Variants in NVL observed in about 807,000 individuals in gnomAD.
NVL encodes nuclear valosin-containing protein-like.
A neutral mutation model predicts 110.2 loss-of-function variants in NVL; 84 were observed. The ratio of observed to expected loss-of-function variants is 0.76; its 90% CI spans 0.64 to 0.91. NVL has a LOEUF of 0.91. NVL is among the 40% of genes least tolerant of loss of function. The pLI is 0.00. For synonymous variants in NVL, 354 were observed against 361.1 expected (o/e 0.98, Z 0.22); for missense variants, 882 against 1,035.9 (o/e 0.85, Z 2.04).
chr1:224,306,466 C>T (rs2102711119), intron 6 of NVL, among the ~76,000 whole-genome samples: 1 of 152,250 alleles, frequency 6.6e-6, no homozygotes, highest in South Asian at 2.1e-4. Context: ...CAGGGTTTCA[C>T]TGTGTTAGCC....
At chr1:224,229,728 G>T (rs1659656837) in intron 22 of NVL, among the ~76,000 whole-genome samples, 1 of 152,194 alleles carries the variant, frequency 6.6e-6, no homozygotes, top group Admixed American at 6.5e-5. Flanking sequence ...GATTACAGAA[G>T]TGAGCCACCG....
At chr1:224,317,630 A>G (rs1670220285) in intron 4 of NVL, 64 bp downstream of exon 4, 2 of 974,282 alleles carry the variant, frequency 2.1e-6, no homozygotes, top group Admixed American at 1.9e-5. Flanking sequence ...TGAAAGTTTT[A>G]CAAGCAGGAA....
chr1:224,274,844 A>G (rs1665591859), intron 17 of NVL, among the ~76,000 whole-genome samples: 1 of 152,116 alleles, frequency 6.6e-6, no homozygotes. Context: ...AGTGCAGATC[A>G]ATTTTATATC....
chr1:224,300,832 T>C (rs1668323563), intron 9 of NVL, among the ~76,000 whole-genome samples, 169 bp from the exon 10 acceptor site: 1 of 152,100 alleles, frequency 6.6e-6, no homozygotes, highest in Non-Finnish European at 1.5e-5. Context: ...TGGCCGGGCA[T>C]GGTGGCTCAG....
At chr1:224,307,918 T>G in intron 6 of NVL, 73 bp downstream of exon 6, 1 of 1,389,590 alleles carries the variant, frequency 7.2e-7, no homozygotes, top group Non-Finnish European at 9.6e-7. Flanking sequence ...AAGTATCTGA[T>G]TGATATTATA....
At position 224,231,386 on chromosome 1, in the gene NVL, C is replaced by T. The variant is rs140240049; in HGVS notation, c.2456-90G>A. The T allele has an allele frequency of 2.0e-3, 1,964 of 964,040 alleles. 17 individuals are homozygous for T. The highest frequency in any genetic ancestry group is 8.6e-3 in the Admixed American group (466 of 54,354). 59.7% of individuals were successfully genotyped at this position (964,040 alleles called of 1,614,324 possible). A position where few individuals can be genotyped will look rare whatever the true frequency, so the allele number is the denominator to read the frequency against. The stretch of plus-strand genomic sequence containing the variant: ...TTCCTTTGAAAGACTTCAAAACTTT[C>T]AAGGGGTCCACTAAAGAGATCAGTG... On this transcript the variant is annotated intron_variant, in intron 21 of 22. Coordinates refer to ENST00000281701, the MANE Select transcript of NVL (RefSeq NM_002533.4).
Position 224,268,150 on chromosome 1 carries a change from C to T in NVL, c.2083-17G>A, listed in dbSNP as rs747581548. 1 of 1,566,956 alleles carries T rather than the reference C, an allele frequency of 6.4e-7. No individual in the cohort carries two copies. The highest frequency in any genetic ancestry group is 1.1e-5 in the South Asian group (1 of 88,706). ...TGCCCCTGTCTAAAAAGACATAAAT[C>T]TGGTTCCATCAGCTCTCAATACAAA... On this transcript the variant is annotated splice_polypyrimidine_tract_variant and intron_variant, in intron 17 of 22. Transcript: ENST00000281701.
intron 20 of NVL, among the ~76,000 whole-genome samples, chr1:224,236,139 G>A (rs1660445037): frequency 1.3e-5 from 2 of 152,158 alleles, no homozygotes; most frequent in South Asian, 4.1e-4. Context: ...ATTTCCTGAT[G>A]TTACTACAGG....
chr1:224,254,564 T>G (rs1425830989), intron 18 of NVL, among the ~76,000 whole-genome samples: 1 of 35,786 alleles, frequency 2.8e-5, no homozygotes, highest in Non-Finnish European at 9.9e-5. Context: ...GGCTAATTTG[T>G]TTTTTTTGTT....
intron 18 of NVL, among the ~76,000 whole-genome samples, chr1:224,258,314 C>T (rs1663530531): frequency 6.6e-6 from 1 of 152,064 alleles, no homozygotes; most frequent in Non-Finnish European, 1.5e-5. Flanking sequence ...CAGGGAAATG[C>T]AAATCAAATC....
intron 18 of NVL, among the ~76,000 whole-genome samples, chr1:224,263,513 T>G (rs1664182202): frequency 6.6e-6 from 1 of 152,200 alleles, no homozygotes; most frequent in African/African-American, 2.4e-5. Flanking sequence ...TTTCTCCAAG[T>G]GTCCCCTATC....
chr1:224,227,523 T>A lies in NVL; in HGVS notation c.*103A>T. 1 of 900,490 alleles carries A rather than the reference T, an allele frequency of 1.1e-6. No homozygotes were observed. Among genetic ancestry groups the A allele is most frequent in the South Asian group, 2.2e-5 (1 of 44,514 alleles). The allele number at this position is 900,490 out of a possible 1,614,324, so 55.8% of individuals were successfully genotyped here. A position where few individuals can be genotyped will look rare whatever the true frequency, so the allele number is the denominator to read the frequency against. On this transcript the variant is annotated 3_prime_UTR_variant, in exon 23 of 23. Transcript: ENST00000281701. ...TTCATTTGAAAATAAAATGTTTACA[T>A]GAGGCCGCGCCTGTGTCCAGCTGAA...
intron 18 of NVL, among the ~76,000 whole-genome samples, chr1:224,264,016 A>AAAAC (rs765980682): frequency 9.9e-5 from 15 of 152,196 alleles, no homozygotes; most frequent in Admixed American, 2.6e-4. Context: ...TTCCGTCTCA[A>AAAAC]AAACAAACAA....
chr1:224,292,999 C>A (rs1667519596), intron 12 of NVL, among the ~76,000 whole-genome samples: 1 of 151,970 alleles, frequency 6.6e-6, no homozygotes, highest in African/African-American at 2.4e-5. Context: ...AAGTGATGCA[C>A]CCGCCTCGGC....
intron 18 of NVL, among the ~76,000 whole-genome samples, chr1:224,260,328 C>T (rs1423444604): frequency 1.3e-5 from 2 of 152,058 alleles, no homozygotes; most frequent in African/African-American, 2.4e-5. Flanking sequence ...TGCAGTGGCG[C>T]GATCACTACA....
At chr1:224,298,096 T>C (rs1314591435) in intron 10 of NVL, among the ~76,000 whole-genome samples, 2 of 151,406 alleles carry the variant, frequency 1.3e-5, no homozygotes, top group African/African-American at 4.9e-5. Context: ...CCCAGCTATT[T>C]GGGAGGCTGA....
At chr1:224,256,143 T>C (rs1053536701) in intron 18 of NVL, among the ~76,000 whole-genome samples, 3 of 151,960 alleles carry the variant, frequency 2.0e-5, no homozygotes, top group Non-Finnish European at 4.4e-5. Context: ...TATAAATACA[T>C]GCCAGGCATG....
intron 18 of NVL, among the ~76,000 whole-genome samples, chr1:224,254,272 T>C (rs970686247): frequency 2.0e-5 from 3 of 150,684 alleles, no homozygotes; most frequent in Admixed American, 6.6e-5. Context: ...TTTGTATTTT[T>C]AGTAGAGACG....
chr1:224,246,866 T>A (rs981225598), intron 19 of NVL, among the ~76,000 whole-genome samples: 6 of 151,586 alleles, frequency 4.0e-5, no homozygotes, highest in African/African-American at 1.5e-4. Context: ...TAAAACCCCG[T>A]CTCTACTAAA....
Sources: allele counts gnomAD v4.1 joint callset (sites outside exome capture counted in the v4.1 genomes callset), GRCh38; gene constraint gnomAD v4.1.1; transcripts MANE v1.5; gene names NCBI Gene and HGNC (gene_info 2026-07-23, HGNC 2026-07-21).